Variants in PPFIBP2 observed in about 807,000 individuals in gnomAD.
The protein encoded by PPFIBP2 is PPFIB scaffold protein 2.
A neutral mutation model predicts 118.3 loss-of-function variants in PPFIBP2; 118 were observed. That is an observed-to-expected ratio of 1.00 (90% confidence interval 0.86 to 1.16). The LOEUF (loss-of-function observed/expected upper bound fraction) is 1.16. Among genes scored for constraint, PPFIBP2 ranks in the 50% most tolerant of loss-of-function variants. The probability of loss-of-function intolerance (pLI) is 0.00; values close to 1 mark genes in which losing one functional copy is unlikely to be tolerated. For missense variants in PPFIBP2, 1,195 were observed against 1,073.1 expected (o/e 1.11, Z -1.59); for synonymous variants, 414 against 397.4 (o/e 1.04, Z -0.50).
At chr11:7,641,380 C>A in intron 15 of PPFIBP2, 99 bp from the exon 16 acceptor site, 1 of 1,365,558 alleles carries the variant, frequency 7.3e-7, no homozygotes, top group Non-Finnish European at 1.0e-6. Context: ...TGGGCAGATT[C>A]TCTGGACTCC....
At chr11:7,630,221 T>G (rs1350503786) in intron 10 of PPFIBP2, among the ~76,000 whole-genome samples, 2 of 151,752 alleles carry the variant, frequency 1.3e-5, no homozygotes, top group South Asian at 2.1e-4. Flanking sequence ...TGGCTGAGCT[T>G]CTGCTGCTTC....
chr11:7,589,915 T>A (rs149769732), intron 3 of PPFIBP2, among the ~76,000 whole-genome samples: 1 of 152,374 alleles, frequency 6.6e-6, no homozygotes, highest in Non-Finnish European at 1.5e-5. Context: ...AAAACAGAGA[T>A]GTGTCCTAAC....
chr11:7,651,542 T>G, intron 22 of PPFIBP2, 114 bp from the exon 23 acceptor site: 1 of 895,564 alleles, frequency 1.1e-6, no homozygotes, highest in Non-Finnish European at 1.7e-6. Context: ...GTGACTGAGC[T>G]CCTGTCCCTC....
rs188774291 is a variant in PPFIBP2 at position 7,605,064 on chromosome 11, A to T, written c.487-5227A>T. Among the ~76,000 whole-genome samples, 628 of 152,356 alleles carry T rather than the reference A, an allele frequency of 4.1e-3. 3 individuals are homozygous for T. The highest frequency in any genetic ancestry group is 0.014 in the African/African-American group (582 of 41,574). ...CAATTCAGGAGCAAATTCTGGAAGC[A>T]TTGTATCCTTTGATGGGTACTTTTT... On this transcript the variant is annotated intron_variant, in intron 5 of 23. Coordinates refer to ENST00000299492, the MANE Select transcript of PPFIBP2 (RefSeq NM_003621.5).
Position 7,653,105 on chromosome 11 carries a change from G to A in PPFIBP2, c.2518G>A (p.Glu840Lys), listed in dbSNP as rs767081087. ...ATCGACGGACTACATTTGCCCAATG[G>A]AGCCCAGTGACGGTGTCAGTGATAG... is the stretch of plus-strand genomic sequence containing the variant. ...DESTDYICPM[E>K]PSDGVSDSHR... The change falls in exon 24 of 24, where the codon GAG (glutamate) becomes AAG (lysine). Residue 840 changes from glutamate (E) to lysine (K), a missense_variant. Physicochemically the swap from Glu to Lys is moderately conservative, Grantham distance 56. Coordinates refer to ENST00000299492, the MANE Select transcript of PPFIBP2 (RefSeq NM_003621.5). 2.2e-5 allele frequency: 36 copies of A among 1,614,060 alleles called. No individual in the cohort carries two copies. Among genetic ancestry groups the A allele is most frequent in the African/African-American group, 5.3e-5 (4 of 74,932 alleles).
Position 7,639,686 on chromosome 11 carries a change from C to G in PPFIBP2, c.1237-46C>G, listed in dbSNP as rs114029551. On this transcript the variant is annotated intron_variant, in intron 14 of 23. Coordinates refer to ENST00000299492, the MANE Select transcript of PPFIBP2 (RefSeq NM_003621.5). ...GTATCCAAGGATTTCCTAACTGAGG[C>G]TGACAGTTAAGTCGGTATCTCTCTC... 2.6e-3 allele frequency: 4,151 copies of G among 1,611,548 alleles called. 87 individuals carry two copies. The African/African-American group carries it at 0.047, about 18-fold the overall frequency.
intron 5 of PPFIBP2, among the ~76,000 whole-genome samples, chr11:7,609,294 A>G (rs2135475008): frequency 6.6e-6 from 1 of 152,282 alleles, no homozygotes; most frequent in South Asian, 2.1e-4. Context: ...ATGGCAGGAT[A>G]TCGTATATTT....
chr11:7,531,336 C>T (rs866068306), intron 1 of PPFIBP2, among the ~76,000 whole-genome samples: 32 of 152,162 alleles, frequency 2.1e-4, no homozygotes, highest in African/African-American at 5.8e-4. Flanking sequence ...GATAGCTGGG[C>T]CCAGGGCTCT....
intron 3 of PPFIBP2, among the ~76,000 whole-genome samples, chr11:7,582,063 C>T (rs1345462972): frequency 6.6e-6 from 1 of 152,154 alleles, no homozygotes; most frequent in East Asian, 1.9e-4. Context: ...GTCTCGAACT[C>T]CTGATCTCAG....
intron 2 of PPFIBP2, among the ~76,000 whole-genome samples, chr11:7,562,976 T>TATATACAC (rs1554953438): frequency 4.0e-5 from 4 of 100,464 alleles, no homozygotes; most frequent in African/African-American, 1.3e-4. Flanking sequence ...TATATATATA[T>TATATACAC]ACACGCACAC....
chr11:7,572,850 G>C (rs1176555485), intron 3 of PPFIBP2, among the ~76,000 whole-genome samples: 1 of 152,140 alleles, frequency 6.6e-6, no homozygotes, highest in African/African-American at 2.4e-5. Flanking sequence ...TGTGATATTG[G>C]CTCACTGCAA....
At chr11:7,641,784 AAGG>A (rs1852235480) in intron 16 of PPFIBP2, 164 bp downstream of exon 16, 2 of 757,108 alleles carry the variant, frequency 2.6e-6, no homozygotes, top group Non-Finnish European at 4.2e-6. Flanking sequence ...GGGCCAAGAG[AAGG>A]AGAAGTATGA....
chr11:7,519,151 G>A (rs1252350713), intron 1 of PPFIBP2, among the ~76,000 whole-genome samples: 1 of 152,152 alleles, frequency 6.6e-6, no homozygotes, highest in African/African-American at 2.4e-5. Context: ...CTGGGAAGAT[G>A]GCAGCTGAGA....
chr11:7,590,118 A>C lies in PPFIBP2; in HGVS notation c.280-3014A>C, dbSNP rs180836065. Among the ~76,000 whole-genome samples, 7 of 152,324 alleles carry C rather than the reference A, an allele frequency of 4.6e-5. No homozygotes were observed. In the East Asian group the frequency reaches 1.2e-3, roughly 25 times the overall value. ...GGCAAATCCTTACCTTAGGCTGATG[A>C]GTATTAGCATTCAGCAAGACAATCC... On this transcript the variant is annotated intron_variant, in intron 3 of 23. Coordinates refer to ENST00000299492, the MANE Select transcript of PPFIBP2 (RefSeq NM_003621.5).
chr11:7,642,297 G>C lies in PPFIBP2; in HGVS notation c.1518-1G>C. The C allele has an allele frequency of 6.2e-7, 1 of 1,613,964 alleles. No homozygotes were observed. Among genetic ancestry groups the C allele is most frequent in the South Asian group, 1.1e-5 (1 of 91,058 alleles). On this transcript the variant is annotated splice_acceptor_variant, in intron 16 of 23. Transcript: ENST00000299492. LOFTEE classifies it high-confidence loss of function. Reference sequence around the variant, plus strand: ...GTCTCCATGGATTCTTCTCCATGCAGAATCCGAAGAACTCAGTCAGGAAAT... The same window carrying C: ...GTCTCCATGGATTCTTCTCCATGCACAATCCGAAGAACTCAGTCAGGAAAT...
At chr11:7,537,789 A>G (rs979706426) in intron 1 of PPFIBP2, among the ~76,000 whole-genome samples, 5 of 152,154 alleles carry the variant, frequency 3.3e-5, no homozygotes, top group Non-Finnish European at 7.4e-5. Context: ...TCCCAAAGGC[A>G]CAGATCCCTG....
Position 7,649,585 on chromosome 11 carries a change from A to G in PPFIBP2, c.2052A>G (p.Lys684=). Residue 684 remains lysine, a synonymous_variant, in exon 21 of 24, where the codon AAA becomes AAG. Coordinates refer to ENST00000299492, the MANE Select transcript of PPFIBP2 (RefSeq NM_003621.5). ...GCCAACTACATCATCTCAGCATCAA[A>G]TGTGCCATTCACGTGCTGCATGTCA... The part of the protein sequence containing the change: ...VTSQLHHLSI[K]CAIHVLHVNK... 1.2e-6 allele frequency: 2 copies of G among 1,614,166 alleles called. No homozygotes were observed. The highest frequency in any genetic ancestry group is 1.7e-6 in the Non-Finnish European group (2 of 1,180,028).
intron 6 of PPFIBP2, 81 bp from the exon 7 acceptor site, chr11:7,620,854 A>C (rs1451710112): frequency 1.0e-6 from 1 of 959,810 alleles, no homozygotes; most frequent in Non-Finnish European, 1.7e-6. Flanking sequence ...TGCACCCCAT[A>C]TGCATGAGCT....
At chr11:7,605,719 A>T (rs1479596235) in intron 5 of PPFIBP2, 5 of 1,345,252 alleles carry the variant, frequency 3.7e-6, no homozygotes. Context: ...TAGAGTTACT[A>T]AGTAACTAGT....
Sources: gnomAD v4.1 joint callset for allele counts (sites outside exome capture counted in the v4.1 genomes callset) on GRCh38, gnomAD v4.1.1 for gene constraint, MANE v1.5 for transcripts, NCBI Gene and HGNC (gene_info 2026-07-23, HGNC 2026-07-21) for gene names.